PTPRS: variants seen among roughly 807,000 people sequenced by gnomAD.
PTPRS encodes the protein protein tyrosine phosphatase receptor type S, also known as receptor-type tyrosine-protein phosphatase S.
A neutral mutation model predicts 215.3 loss-of-function variants in PTPRS; 63 were observed. That is an observed-to-expected ratio of 0.29 (90% confidence interval 0.24 to 0.36). The LOEUF is 0.36. Ranked by LOEUF, PTPRS falls within the 10% of genes least tolerant of loss-of-function variation. The pLI, the probability that PTPRS is intolerant of heterozygous loss-of-function variation, is 1.00. For synonymous variants in PTPRS, 1,404 were observed against 1,191.4 expected, an observed-to-expected ratio of 1.18 and a Z score of -3.68; for missense variants, 2,258 against 2,825.8, an observed-to-expected ratio of 0.80 and a Z score of 4.56.
chr19:5,326,546 C>T (rs1395016681), intron 1 of PTPRS, among the ~76,000 whole-genome samples: 1 of 151,780 alleles, frequency 6.6e-6, no homozygotes, highest in African/African-American at 2.4e-5. Context: ...ACTGGCTGGG[C>T]ACGGTGGCTC....
intron 17 of PTPRS, among the ~76,000 whole-genome samples, chr19:5,225,160 G>T (rs762713134): frequency 1.3e-5 from 2 of 152,158 alleles, no homozygotes; most frequent in African/African-American, 2.4e-5. Context: ...ACAATGGAGG[G>T]GCTAGAAGGG....
At chr19:5,297,459 C>T (rs761647974) in intron 1 of PTPRS, among the ~76,000 whole-genome samples, 2 of 152,182 alleles carry the variant, frequency 1.3e-5, no homozygotes, top group Non-Finnish European at 2.9e-5. Context: ...CAGTGGTAAG[C>T]ATGATGGAAC....
chr19:5,325,449 C>A (rs1475000992), intron 1 of PTPRS, among the ~76,000 whole-genome samples: 1 of 152,264 alleles, frequency 6.6e-6, no homozygotes, highest in Admixed American at 6.5e-5. Context: ...GGGGCCAGGT[C>A]TTGGGTCTCA....
intron 5 of PTPRS, among the ~76,000 whole-genome samples, chr19:5,264,691 C>T (rs932904121): frequency 2.4e-4 from 37 of 152,176 alleles, no homozygotes; most frequent in African/African-American, 8.2e-4. Flanking sequence ...AGACACTCTC[C>T]CCGCCCATGG....
At chr19:5,306,104 T>C (rs965273552) in intron 1 of PTPRS, among the ~76,000 whole-genome samples, 1 of 151,884 alleles carries the variant, frequency 6.6e-6, no homozygotes, top group Non-Finnish European at 1.5e-5. Context: ...TGTGTCTTTT[T>C]CTCATGAAGT....
Position 5,231,412 on chromosome 19 carries a change from C to A in PTPRS, c.2053G>T (p.Ala685Ser). The change falls in exon 14 of 38, where the codon GCC becomes TCC. Residue 685 changes from alanine to serine, a missense_variant. By Grantham distance (99) the Ala-to-Ser change is moderately conservative. Transcript: ENST00000262963. The stretch of plus-strand genomic sequence containing the variant: ...CGGTACTGGGTCCACTTCTCCAAGG[C>A]CTCCAGCAGGATCTGAGTGGTGGTC... Reference protein sequence around the residue: ...PPTTTQILLEALEKWTQYRIT... With the variant: ...PPTTTQILLESLEKWTQYRIT... 6.2e-7 allele frequency: 1 copy of A among 1,613,192 alleles called. No individual in the cohort carries two copies. The highest frequency in any genetic ancestry group is 1.7e-5 in the Admixed American group (1 of 60,000).
intron 1 of PTPRS, among the ~76,000 whole-genome samples, chr19:5,322,898 A>AAAAAGAAG (rs775619490): frequency 1.4e-4 from 17 of 120,286 alleles, no homozygotes; most frequent in African/African-American, 3.3e-4. Flanking sequence ...AAAAAAAAAA[A>AAAAAGAAG]AAGAAGAAGA....
rs201543336 is a variant in PTPRS, at chr19:5,236,848, G to GAAAAAAAAAA, written c.1849+2070_1849+2071insTTTTTTTTTT. Among the ~76,000 whole-genome samples, 2 of 126,172 alleles carry GAAAAAAAAAA rather than the reference G, an allele frequency of 1.6e-5. 1 individual carries two copies. The highest frequency in any genetic ancestry group is 3.1e-5 in the Non-Finnish European group (2 of 64,970). The allele number at this position is 126,172 out of a possible 152,430, so 82.8% of individuals were successfully genotyped here. A position where few individuals can be genotyped will look rare whatever the true frequency, so the allele number is the denominator to read the frequency against. On this transcript the variant is annotated intron_variant, in intron 13 of 37. Coordinates refer to ENST00000262963, the MANE Select transcript of PTPRS (RefSeq NM_002850.4). The stretch of plus-strand genomic sequence containing the variant: ...GCGGGGAATCAGGCAGGGAGCAGGG[G>GAAAAAAAAAA]GAAAAAAAAAAAAAAAACAACAATC...
Position 5,264,994 on chromosome 19 carries a change from C to T in PTPRS, c.568+14G>A. On this transcript the variant is annotated intron_variant, in intron 5 of 37. Coordinates refer to ENST00000262963, the MANE Select transcript of PTPRS (RefSeq NM_002850.4). ...CTCCAAGGCTCCCACGTCCTGTCAG[C>T]CACCCTCACTCACCTGATCGCAGCT... 1 of 1,613,002 alleles carries T rather than the reference C, an allele frequency of 6.2e-7. No individual in the cohort carries two copies. The highest frequency in any genetic ancestry group is 8.5e-7 in the Non-Finnish European group (1 of 1,179,596).
intron 1 of PTPRS, among the ~76,000 whole-genome samples, chr19:5,335,149 G>A (rs1443853095): frequency 1.3e-5 from 2 of 152,188 alleles, no homozygotes; most frequent in South Asian, 2.1e-4. Context: ...TGCCTCATCC[G>A]AGGGTCCCAG....
intron 15 of PTPRS, 25 bp from the exon 16 acceptor site, chr19:5,229,367 G>T: frequency 7.3e-7 from 1 of 1,374,940 alleles, no homozygotes; most frequent in Non-Finnish European, 9.4e-7. Flanking sequence ...AGGCGGCAGG[G>T]GAGAGAGGAG....
In PTPRS at chr19:5,257,570, C is replaced by T. The variant is rs1303596038; in HGVS notation, c.706+447G>A. 1.2e-5 allele frequency: 5 copies of T among 423,540 alleles called. No individual in the cohort carries two copies. Among genetic ancestry groups the T allele is most frequent in the Non-Finnish European group, 1.9e-5 (4 of 209,836 alleles). 26.2% of individuals were successfully genotyped at this position (423,540 alleles called of 1,614,324 possible). ...GGGGGGGCAGTGAAGCGGGGAGCTA[C>T]GAGGCCACAAAGTTGGGAGAAGCAA... On this transcript the variant is annotated intron_variant, in intron 8 of 37. Transcript: ENST00000262963. This position sits in a 1 kb window ranked among gnomAD's most constrained non-coding sequence, Gnocchi z 4.4.
chr19:5,290,577 C>T (rs942811170), intron 1 of PTPRS, among the ~76,000 whole-genome samples: 8 of 152,096 alleles, frequency 5.3e-5, no homozygotes, highest in Admixed American at 3.3e-4. Flanking sequence ...GTCACCCGCA[C>T]GAGGCGGGGG....
At chr19:5,278,741 C>T (rs1357597731) in intron 2 of PTPRS, among the ~76,000 whole-genome samples, 1 of 151,894 alleles carries the variant, frequency 6.6e-6, no homozygotes, top group Non-Finnish European at 1.5e-5. Flanking sequence ...TCCCAAAGTG[C>T]TGGGATTACA....
chr19:5,208,360 T>C lies in PTPRS; in HGVS notation c.5519A>G (p.Gln1840Arg), dbSNP rs1164066275. Residue 1840 changes from glutamine (Q) to arginine (R), a missense_variant, in exon 36 of 38, where the codon CAG becomes CGG. Gln to Arg is a conservative substitution (Grantham distance 43). Around this residue, in one of 6 missense-constraint regions of PTPRS, gnomAD observed 927 missense variants for 1,125.9 expected, o/e 0.82. Transcript: ENST00000262963. ...DGQSRTVRQF[Q>R]FTDWPEQGVP... Reference sequence around the variant, plus strand: ...ACCCTGTTCCGGCCAGTCTGTGAACTGGAACTGCCGGACAGTCCGGGACTG... The same window carrying C: ...ACCCTGTTCCGGCCAGTCTGTGAACCGGAACTGCCGGACAGTCCGGGACTG... 6.2e-7 allele frequency: 1 copy of C among 1,612,594 alleles called. No homozygotes were observed.
Position 5,262,987 on chromosome 19 carries a change from C to T in PTPRS, c.569-15G>A. On this transcript the variant is annotated splice_polypyrimidine_tract_variant and intron_variant, in intron 5 of 37. Coordinates refer to ENST00000262963, the MANE Select transcript of PTPRS (RefSeq NM_002850.4). ...ACCAAAGGTTTCTGAACGTTTACAA[C>T]AGGAGGATAAGAAAAGAGAACAGGA... 1 of 1,483,680 alleles carries T rather than the reference C, an allele frequency of 6.7e-7. No individual in the cohort carries two copies. Among genetic ancestry groups the T allele is most frequent in the Non-Finnish European group, 9.0e-7 (1 of 1,108,026 alleles). 91.9% of individuals were successfully genotyped at this position (1,483,680 alleles called of 1,614,324 possible). A position where few individuals can be genotyped will look rare whatever the true frequency, so the allele number is the denominator to read the frequency against.
intron 4 of PTPRS, among the ~76,000 whole-genome samples, chr19:5,270,480 G>C (rs535982064): frequency 6.6e-6 from 1 of 152,126 alleles, no homozygotes; most frequent in African/African-American, 2.4e-5. Context: ...TCTTTTTGTA[G>C]AGACTTGGAC....
chr19:5,226,748 AAAATAAAT>A (rs145639074), intron 16 of PTPRS, among the ~76,000 whole-genome samples: 7 of 151,922 alleles, frequency 4.6e-5, no homozygotes, highest in African/African-American at 9.7e-5. Context: ...GACTGTCTCA[AAAATAAAT>A]AAATAAACTG....
Position 5,206,082 on chromosome 19 carries a change from A to AAAAAAAGC in PTPRS, c.*691_*692insGCTTTTTT, listed in dbSNP as rs1555729800. ...AATTAAAAAAAAAAAAAAAAAAAAA[A>AAAAAAAGC]AAGCCAAGGTACAGCCATGGGCCTG... On this transcript the variant is annotated 3_prime_UTR_variant, in exon 38 of 38. Coordinates refer to ENST00000262963, the MANE Select transcript of PTPRS (RefSeq NM_002850.4). Among the ~76,000 whole-genome samples, 1 of 144,376 alleles carries AAAAAAAGC rather than the reference A, an allele frequency of 6.9e-6. No homozygotes were observed. The highest frequency in any genetic ancestry group is 1.5e-5 in the Non-Finnish European group (1 of 66,404). 94.7% of individuals were successfully genotyped at this position (144,376 alleles called of 152,430 possible).
Sources: gnomAD v4.1 joint callset for allele counts (sites outside exome capture counted in the v4.1 genomes callset) on GRCh38, gnomAD v4.1.1 for gene constraint, gnomAD v4.1.1 regional missense constraint, Gnocchi (gnomAD v3.1) non-coding constraint, MANE v1.5 for transcripts, NCBI Gene and HGNC (gene_info 2026-07-23, HGNC 2026-07-21) for gene names.